The following COBL variants were observed in gnomAD, a reference collection of about 807,000 sequenced individuals.
The protein encoded by COBL is protein cordon-bleu.
Under a neutral mutation model 98.8 loss-of-function variants are expected in COBL, and 51 were observed. That is an observed-to-expected ratio of 0.52 (90% CI 0.41 to 0.65). COBL has a LOEUF of 0.65. Ranked by LOEUF, COBL falls within the 30% of genes least tolerant of loss-of-function variation. The pLI is 0.00. For missense variants in COBL, 1,617 were observed against 1,617.5 expected, an observed-to-expected ratio of 1.00 and a Z score of 0.01; for synonymous variants, 634 against 651.7, an observed-to-expected ratio of 0.97 and a Z score of 0.41.
At chr7:51,110,113 A>T (rs1247040180) in intron 6 of COBL, among the ~76,000 whole-genome samples, 1 of 152,248 alleles carries the variant, frequency 6.6e-6, no homozygotes, top group Non-Finnish European at 1.5e-5. Flanking sequence ...ATTTCTTTGT[A>T]TTGTAAACAT....
At chr7:51,162,894 C>T (rs1786961483) in intron 5 of COBL, among the ~76,000 whole-genome samples, 2 of 152,190 alleles carry the variant, frequency 1.3e-5, no homozygotes, top group South Asian at 4.1e-4. Flanking sequence ...TGCACAAAGA[C>T]ATAGAAACAG....
chr7:51,122,746 A>G (rs954706585), intron 6 of COBL, among the ~76,000 whole-genome samples: 2 of 152,170 alleles, frequency 1.3e-5, no homozygotes, highest in Non-Finnish European at 2.9e-5. Flanking sequence ...TGGGAAGCCG[A>G]GGTTGGTGGA....
intron 6 of COBL, among the ~76,000 whole-genome samples, chr7:51,129,531 T>C (rs1489098322): frequency 6.6e-6 from 1 of 152,090 alleles, no homozygotes; most frequent in East Asian, 1.9e-4. Context: ...TAAGTTCATA[T>C]AAATATTTAC....
chr7:51,316,480 C>T (rs971606244), intron 1 of COBL, 113 bp downstream of exon 1: 19 of 772,656 alleles, frequency 2.5e-5, no homozygotes, highest in African/African-American at 3.7e-5. Context: ...CTACCACCAG[C>T]ACCCGCTGGG....
At chr7:51,102,214 A>T (rs1322578517) in intron 6 of COBL, among the ~76,000 whole-genome samples, 1 of 152,178 alleles carries the variant, frequency 6.6e-6, no homozygotes, top group African/African-American at 2.4e-5. Flanking sequence ...TTGCTTGGTC[A>T]GGACTGATTT....
At position 51,173,323 on chromosome 7, in the gene COBL, G is replaced by A. The variant is rs55980980; in HGVS notation, c.783+10779C>T. 7.4e-3 allele frequency among the ~76,000 whole-genome samples: 1,121 copies of A among 151,984 alleles called. 16 individuals carry two copies. The highest frequency in any genetic ancestry group is 0.026 in the African/African-American group (1,071 of 41,428). On this transcript the variant is annotated intron_variant, in intron 5 of 12. Transcript: ENST00000265136. ...AGCCTCCCGAGTAGCTGGGACTACA[G>A]GCACATGCCACCACACCAGGATAAA...
chr7:51,154,502 C>T (rs1785905215), intron 5 of COBL, among the ~76,000 whole-genome samples: 1 of 152,176 alleles, frequency 6.6e-6, no homozygotes, highest in African/African-American at 2.4e-5. Context: ...TTCAATAAAA[C>T]AATAGATGTC....
At chr7:51,173,143 A>C (rs1452770783) in intron 5 of COBL, among the ~76,000 whole-genome samples, 1 of 152,140 alleles carries the variant, frequency 6.6e-6, no homozygotes, top group Non-Finnish European at 1.5e-5. Context: ...TTAGGTCAGC[A>C]AGCAAATTAA....
chr7:51,115,648 T>C (rs927033610), intron 6 of COBL, among the ~76,000 whole-genome samples: 1 of 152,118 alleles, frequency 6.6e-6, no homozygotes, highest in Admixed American at 6.5e-5. Context: ...TTGAGATGTG[T>C]TGGTAAACAT....
At chr7:51,025,460 G>A in intron 11 of COBL, 88 bp from the exon 12 acceptor site, 5 of 1,351,958 alleles carry the variant, frequency 3.7e-6, no homozygotes, top group Non-Finnish European at 5.2e-6. Flanking sequence ...GTAGTGGCAT[G>A]AGGAGATGAG....
chr7:51,194,422 C>T (rs996610681), intron 2 of COBL, among the ~76,000 whole-genome samples: 1 of 152,100 alleles, frequency 6.6e-6, no homozygotes, highest in Non-Finnish European at 1.5e-5. Context: ...AATGAACATA[C>T]ACATGCATGT....
chr7:51,020,969 C>T (rs1786871549), intron 12 of COBL: 1 of 152,238 alleles, frequency 6.6e-6, no homozygotes, highest in South Asian at 2.1e-4. Flanking sequence ...TTGTGTATTA[C>T]AGGTTGGGTG....
chr7:51,293,142 G>T (rs1372332839), intron 1 of COBL, among the ~76,000 whole-genome samples: 1 of 152,146 alleles, frequency 6.6e-6, no homozygotes, highest in African/African-American at 2.4e-5. Context: ...TTTTGTAGTT[G>T]TTTGTTTGCT....
At chr7:51,050,173 G>A (rs543305264) in intron 7 of COBL, among the ~76,000 whole-genome samples, 18 of 152,302 alleles carry the variant, frequency 1.2e-4, no homozygotes, top group African/African-American at 4.3e-4. Context: ...GCAAGATAAT[G>A]AAGGACTGAA....
In COBL at chr7:51,051,607, G is replaced by A. The variant is rs1027481059; in HGVS notation, c.1097-7915C>T. Among the ~76,000 whole-genome samples, 197 of 152,294 alleles carry A rather than the reference G, an allele frequency of 1.3e-3. 1 individual carries two copies. The highest frequency in any genetic ancestry group is 4.5e-3 in the African/African-American group (186 of 41,562). ...ACCAACTCTTGGCTGTCTTTCCTGTGTTTAAATGGGGGTATCAGCGATGGT... is the reference window on the plus strand; with the variant it reads ...ACCAACTCTTGGCTGTCTTTCCTGTATTTAAATGGGGGTATCAGCGATGGT... On this transcript the variant is annotated intron_variant, in intron 7 of 12. Transcript: ENST00000265136.
chr7:51,099,578 G>A (rs1795630605), intron 6 of COBL, among the ~76,000 whole-genome samples: 1 of 152,170 alleles, frequency 6.6e-6, no homozygotes, highest in Non-Finnish European at 1.5e-5. Context: ...TGGTTGCCAG[G>A]AGCTTGAGGG....
Position 51,219,249 on chromosome 7 carries a change from T to C in COBL, c.245+492A>G, listed in dbSNP as rs141974390. On this transcript the variant is annotated intron_variant, in intron 2 of 12. Transcript: ENST00000265136. ...TTGGAAATCCATGATTGGGTTGGTT[T>C]ATTCCTTCATCTAAACCTGAAATAT... is the stretch of plus-strand genomic sequence containing the variant. Among the ~76,000 whole-genome samples, 13 of 152,342 alleles carry C rather than the reference T, an allele frequency of 8.5e-5. No individual in the cohort carries two copies. The East Asian group carries it at 2.5e-3, about 29-fold the overall frequency.
intron 5 of COBL, among the ~76,000 whole-genome samples, chr7:51,137,741 T>C (rs534687161): frequency 3.9e-5 from 6 of 152,348 alleles, no homozygotes; most frequent in Admixed American, 1.3e-4. Context: ...GAGAACTGTA[T>C]GTAATCCCAG....
Position 51,028,584 on chromosome 7 carries a change from TG to T in COBL, c.2511del (p.Thr838ProfsTer7), listed in dbSNP as rs1787828011. On this transcript the variant is annotated frameshift_variant, in exon 10 of 13. Transcript: ENST00000265136. LOFTEE classifies it high-confidence loss of function. Reference protein sequence around the residue: ...NPLGEGRNQPPTMGMGHVRVP... With the variant: ...NPLGEGRNQPXTMGMGHVRVP... Reference sequence around the variant, plus strand: ...ACCCTCACGTGACCCATGCCCATGGTGGGGGGCTGGTTTCTCCCCTCCCCTA... The same window carrying T: ...ACCCTCACGTGACCCATGCCCATGGTGGGGGCTGGTTTCTCCCCTCCCCTA... 4 of 1,614,152 alleles carry T rather than the reference TG, an allele frequency of 2.5e-6. No homozygotes were observed. Among genetic ancestry groups the T allele is most frequent in the Non-Finnish European group, 3.4e-6 (4 of 1,180,006 alleles).
Sources: gnomAD v4.1 joint callset for allele counts (sites outside exome capture counted in the v4.1 genomes callset) on GRCh38, gnomAD v4.1.1 for gene constraint, MANE v1.5 for transcripts, NCBI Gene and HGNC (gene_info 2026-07-23, HGNC 2026-07-21) for gene names.